The following CCBE1 variants were observed in gnomAD, a reference collection of about 807,000 sequenced individuals.
CCBE1 encodes collagen and calcium binding EGF domains 1, also known as collagen and calcium-binding EGF domain-containing protein 1.
Under a neutral mutation model 50.0 loss-of-function variants are expected in CCBE1, and 37 were observed. The observed-to-expected ratio is 0.74, with a 90% CI of 0.57 to 0.97. CCBE1 has a LOEUF of 0.97. Among genes scored for constraint, CCBE1 ranks in the 50% least tolerant of loss-of-function variants. The pLI is 0.00. For synonymous variants in CCBE1, 234 were observed against 203.7 expected (o/e 1.15, Z -1.27); for missense variants, 538 against 523.8 (o/e 1.03, Z -0.26).
In CCBE1 at chr18:59,608,464, A is replaced by G. The variant is rs1186523129; in HGVS notation, c.212+88165T>C. 2.0e-5 allele frequency among the ~76,000 whole-genome samples: 3 copies of G among 152,176 alleles called. No homozygotes were observed. In the East Asian group the frequency reaches 5.8e-4, roughly 29 times the overall value. On this transcript the variant is annotated intron_variant, in intron 2 of 10. Transcript: ENST00000439986. Reference sequence around the variant, plus strand: ...GCCAAATAGCATCTTAGCATTTCTAAGAAGAGTCACCCTCAGCCCTTACCA... The same window carrying G: ...GCCAAATAGCATCTTAGCATTTCTAGGAAGAGTCACCCTCAGCCCTTACCA...
intron 2 of CCBE1, among the ~76,000 whole-genome samples, chr18:59,536,477 A>G (rs1429420787): frequency 6.6e-6 from 1 of 152,258 alleles, no homozygotes; most frequent in Non-Finnish European, 1.5e-5. Flanking sequence ...AGACAATTTC[A>G]AAAAGATTTC....
At chr18:59,628,420 C>T (rs1375445679) in intron 2 of CCBE1, among the ~76,000 whole-genome samples, 1 of 152,114 alleles carries the variant, frequency 6.6e-6, no homozygotes, top group East Asian at 1.9e-4. Context: ...ACTGCCCCTA[C>T]TCCAAGAGAC....
intron 10 of CCBE1, 133 bp downstream of exon 10, chr18:59,437,978 A>G (rs1598899728): frequency 1.4e-6 from 1 of 738,660 alleles, no homozygotes; most frequent in Non-Finnish European, 2.3e-6. Context: ...TCCTAACCAC[A>G]GAGTTCTGTT....
Position 59,487,776 on chromosome 18 carries a change from A to T in CCBE1, c.213-7538T>A, listed in dbSNP as rs188701361. ...TGATGGTCAAGATCAAATGAGAAAA[A>T]CAATATAGTGACACCTGAAAAAAAT... On this transcript the variant is annotated intron_variant, in intron 2 of 10. Coordinates refer to ENST00000439986, the MANE Select transcript of CCBE1 (RefSeq NM_133459.4). Among the ~76,000 whole-genome samples the T allele has an allele frequency of 1.8e-4, 28 of 152,364 alleles. No homozygotes were observed. The East Asian group carries it at 5.2e-3, about 28-fold the overall frequency.
At chr18:59,519,855 G>A (rs1389178394) in intron 2 of CCBE1, among the ~76,000 whole-genome samples, 3 of 152,192 alleles carry the variant, frequency 2.0e-5, no homozygotes, top group Non-Finnish European at 4.4e-5. Flanking sequence ...TGTATAAGGT[G>A]TAAGGAAGGG....
chr18:59,547,193 G>A (rs1466512372), intron 2 of CCBE1, among the ~76,000 whole-genome samples: 5 of 151,866 alleles, frequency 3.3e-5, no homozygotes, highest in Non-Finnish European at 5.9e-5. Flanking sequence ...AATGGCTCAC[G>A]CCTGTAATCC....
chr18:59,584,217 A>G (rs555147413), intron 2 of CCBE1, among the ~76,000 whole-genome samples: 2 of 152,190 alleles, frequency 1.3e-5, no homozygotes, highest in African/African-American at 2.4e-5. Flanking sequence ...GGATGAAATT[A>G]GAAACCATCA....
At chr18:59,639,355 A>G (rs2053954971) in intron 2 of CCBE1, among the ~76,000 whole-genome samples, 1 of 152,258 alleles carries the variant, frequency 6.6e-6, no homozygotes, top group Admixed American at 6.5e-5. Context: ...GTTAATCAAG[A>G]AATGTGATTC....
chr18:59,558,859 A>G (rs572454223), intron 2 of CCBE1, among the ~76,000 whole-genome samples: 2 of 152,334 alleles, frequency 1.3e-5, no homozygotes, highest in South Asian at 2.1e-4. Context: ...GGGAGAGTAA[A>G]CTGGTGATGA....
At chr18:59,588,456 C>T (rs1021363201) in intron 2 of CCBE1, among the ~76,000 whole-genome samples, 3 of 152,128 alleles carry the variant, frequency 2.0e-5, no homozygotes, top group Non-Finnish European at 4.4e-5. Context: ...TTTCCTTGTG[C>T]CCTTTCCAGA....
chr18:59,458,821 T>C (rs1045816167), intron 5 of CCBE1, among the ~76,000 whole-genome samples: 1 of 152,202 alleles, frequency 6.6e-6, no homozygotes, highest in South Asian at 2.1e-4. Flanking sequence ...CTGTTTTCTG[T>C]TCCTTTGTGG....
At chr18:59,684,015 C>A (rs987942159) in intron 2 of CCBE1, among the ~76,000 whole-genome samples, 1 of 152,096 alleles carries the variant, frequency 6.6e-6, no homozygotes, top group African/African-American at 2.4e-5. Flanking sequence ...CACCCTTTTT[C>A]ATTGACCTTA....
intron 5 of CCBE1, among the ~76,000 whole-genome samples, chr18:59,458,715 A>G (rs976493406): frequency 2.6e-5 from 4 of 152,172 alleles, no homozygotes; most frequent in African/African-American, 9.7e-5. Context: ...TGAGCCTGCT[A>G]TTGGGAATTC....
chr18:59,672,517 A>G (rs548151279), intron 2 of CCBE1, among the ~76,000 whole-genome samples: 1 of 152,282 alleles, frequency 6.6e-6, no homozygotes, highest in Admixed American at 6.5e-5. Flanking sequence ...TGAGGGACCA[A>G]GTGGAGAGGT....
chr18:59,538,733 G>A (rs373541481), intron 2 of CCBE1, among the ~76,000 whole-genome samples: 4 of 152,186 alleles, frequency 2.6e-5, no homozygotes, highest in African/African-American at 4.8e-5. Flanking sequence ...AGAATTTAGA[G>A]GTCTGTGATA....
intron 2 of CCBE1, among the ~76,000 whole-genome samples, chr18:59,517,063 A>G (rs1914405547): frequency 6.6e-6 from 1 of 152,232 alleles, no homozygotes; most frequent in Non-Finnish European, 1.5e-5. Flanking sequence ...AGAAGCATGG[A>G]AGCTAAGAGT....
intron 2 of CCBE1, among the ~76,000 whole-genome samples, chr18:59,639,085 G>A (rs1046399939): frequency 3.3e-5 from 5 of 152,298 alleles, no homozygotes; most frequent in South Asian, 2.1e-4. Context: ...ACCAGCGTGA[G>A]CAACATGGCA....
chr18:59,551,012 AAAAAAAAAAAAAAAAAAG>A (rs1308899970), intron 2 of CCBE1, among the ~76,000 whole-genome samples: 6 of 33,586 alleles, frequency 1.8e-4, no homozygotes, highest in Non-Finnish European at 3.3e-4. Flanking sequence ...AAAAAAAAAA[AAAAAAAAAAAAAAAAAAG>A]AAAAGAAAAG....
intron 2 of CCBE1, among the ~76,000 whole-genome samples, chr18:59,495,748 G>A (rs1913326381): frequency 6.6e-6 from 1 of 152,066 alleles, no homozygotes; most frequent in African/African-American, 2.4e-5. Flanking sequence ...TTTAGATGTG[G>A]CACGCACAGT....
Sources: allele counts gnomAD v4.1 joint callset (sites outside exome capture counted in the v4.1 genomes callset), GRCh38; gene constraint gnomAD v4.1.1; transcripts MANE v1.5; gene names NCBI Gene and HGNC (gene_info 2026-07-23, HGNC 2026-07-21).